The following CDH12 variants were observed in gnomAD, a reference collection of about 807,000 sequenced individuals.
CDH12 encodes cadherin 12, also known as cadherin-12.
In CDH12, 41 loss-of-function variants were observed where a neutral mutation model predicts 74.1. The ratio of observed to expected loss-of-function variants is 0.55; its 90% CI spans 0.43 to 0.72. CDH12 has a LOEUF of 0.72. Among genes scored for constraint, CDH12 ranks in the 30% least tolerant of loss-of-function variants. The pLI, the probability that CDH12 is intolerant of heterozygous loss-of-function variation, is 0.00. For missense variants in CDH12, 945 were observed against 977.2 expected (o/e 0.97, Z 0.44); for synonymous variants, 399 against 355.0 (o/e 1.12, Z -1.39).
intron 1 of CDH12, among the ~76,000 whole-genome samples, chr5:22,536,428 CGTGGTGGTGGTGATAGTGGTA>C (rs371755767): frequency 3.3e-5 from 5 of 151,676 alleles, no homozygotes; most frequent in Admixed American, 1.3e-4. Flanking sequence ...TTGTTGTGGT[CGTGGTGGTGGTGATAGTGGTA>C]GTGGTGGTGT....
At chr5:21,782,089 A>C (rs1745947362) in intron 11 of CDH12, among the ~76,000 whole-genome samples, 2 of 152,176 alleles carry the variant, frequency 1.3e-5, no homozygotes, top group Admixed American at 1.3e-4. Flanking sequence ...AGTACAGTGG[A>C]CTGGACTAGA....
At chr5:21,903,618 C>T (rs764157237) in intron 6 of CDH12, among the ~76,000 whole-genome samples, 21 of 152,088 alleles carry the variant, frequency 1.4e-4, no homozygotes, top group Non-Finnish European at 2.6e-4. Context: ...AAAGTTAAAC[C>T]TGTACCGGTT....
chr5:22,342,170 C>T (rs1022085083), intron 3 of CDH12, among the ~76,000 whole-genome samples: 1 of 152,060 alleles, frequency 6.6e-6, no homozygotes, highest in Non-Finnish European at 1.5e-5. Context: ...ACTAATATAA[C>T]CTTCAATATC....
chr5:21,949,773 C>T (rs1755751197), intron 6 of CDH12, among the ~76,000 whole-genome samples: 1 of 152,000 alleles, frequency 6.6e-6, no homozygotes, highest in Non-Finnish European at 1.5e-5. Flanking sequence ...TTTCTGTGTA[C>T]AATATGCGTT....
chr5:22,549,844 A>G (rs1312981737), intron 1 of CDH12, among the ~76,000 whole-genome samples: 1 of 152,216 alleles, frequency 6.6e-6, no homozygotes, highest in African/African-American at 2.4e-5. Flanking sequence ...ATATTTTCCC[A>G]ATTACCTTCA....
chr5:21,999,090 T>G (rs10050624), intron 5 of CDH12, among the ~76,000 whole-genome samples: 6,072 of 152,208 alleles, frequency 0.04, 339 homozygotes, highest in African/African-American at 0.12. Flanking sequence ...AAATCTTTAT[T>G]AAAGCAATAG....
At chr5:22,608,764 T>A (rs572875647) in intron 1 of CDH12, among the ~76,000 whole-genome samples, 30 of 152,260 alleles carry the variant, frequency 2.0e-4, no homozygotes, top group African/African-American at 6.5e-4. Flanking sequence ...TTTCGTGAGA[T>A]CTGATGGTTT....
At chr5:21,951,325 T>C (rs181285543) in intron 6 of CDH12, among the ~76,000 whole-genome samples, 1 of 152,146 alleles carries the variant, frequency 6.6e-6, no homozygotes, top group Admixed American at 6.5e-5. Flanking sequence ...CTCAGCTCAC[T>C]GCAATTTCTG....
intron 4 of CDH12, chr5:22,142,287 A>G: frequency 7.4e-6 from 2 of 268,674 alleles, no homozygotes; most frequent in Non-Finnish European, 1.4e-5. Flanking sequence ...GTATAGAGTA[A>G]AAAAGAAAGC....
chr5:22,365,409 T>A (rs1251418385), intron 3 of CDH12, among the ~76,000 whole-genome samples: 2 of 152,350 alleles, frequency 1.3e-5, no homozygotes, highest in East Asian at 3.9e-4. Context: ...CACTCAACAG[T>A]ATTATTAAAT....
At chr5:22,382,519 C>T (rs904019921) in intron 3 of CDH12, among the ~76,000 whole-genome samples, 1 of 151,476 alleles carries the variant, frequency 6.6e-6, no homozygotes, top group African/African-American at 2.4e-5. Flanking sequence ...TTTCTCAGGG[C>T]CACTGGTTAT....
At chr5:22,314,097 G>A (rs1157403730) in intron 3 of CDH12, among the ~76,000 whole-genome samples, 25 of 152,174 alleles carry the variant, frequency 1.6e-4, no homozygotes, top group Admixed American at 1.6e-3. Flanking sequence ...TTTTCCAGGT[G>A]ATGTTCTGTT....
Position 22,004,927 on chromosome 5 carries a change from C to T in CDH12, c.232-29542G>A, listed in dbSNP as rs1354379564. Reference sequence around the variant, plus strand: ...ATTTGATTTTTCCAGTTATTTCACCCAAGATAATGGCCTCCAGCTCTATCT... The same window carrying T: ...ATTTGATTTTTCCAGTTATTTCACCTAAGATAATGGCCTCCAGCTCTATCT... On this transcript the variant is annotated intron_variant, in intron 5 of 14. Coordinates refer to ENST00000382254, the MANE Select transcript of CDH12 (RefSeq NM_004061.5). Among the ~76,000 whole-genome samples, 5 of 152,184 alleles carry T rather than the reference C, an allele frequency of 3.3e-5. 1 individual carries two copies. The highest frequency in any genetic ancestry group is 3.9e-4 in the East Asian group (2 of 5,192).
At chr5:21,840,605 ATAC>A (rs1749785497) in intron 8 of CDH12, among the ~76,000 whole-genome samples, 1 of 152,026 alleles carries the variant, frequency 6.6e-6, no homozygotes, top group African/African-American at 2.4e-5. Flanking sequence ...ACTTCAAACT[ATAC>A]TACAAGGCTA....
intron 10 of CDH12, among the ~76,000 whole-genome samples, chr5:21,787,466 G>C (rs1746259082): frequency 1.3e-5 from 2 of 151,992 alleles, no homozygotes; most frequent in Non-Finnish European, 2.9e-5. Context: ...ACTTTTTTGG[G>C]CATAATTCCA....
chr5:22,639,440 T>G (rs1580841630), intron 1 of CDH12, among the ~76,000 whole-genome samples: 1 of 151,208 alleles, frequency 6.6e-6, no homozygotes, highest in East Asian at 1.9e-4. Flanking sequence ...TTCTTTTTTT[T>G]TTTTTTTTTT....
chr5:22,294,107 T>G (rs190083941), intron 3 of CDH12, among the ~76,000 whole-genome samples: 69 of 151,902 alleles, frequency 4.5e-4, no homozygotes, highest in African/African-American at 1.6e-3. Flanking sequence ...TTTGTCAGTT[T>G]AGAAAAACAG....
Position 22,145,291 on chromosome 5 carries a change from C to T in CDH12, c.-186-66429G>A, listed in dbSNP as rs534059649. Among the ~76,000 whole-genome samples, 311 of 152,134 alleles carry T rather than the reference C, an allele frequency of 2.0e-3. 3 individuals are homozygous for T. Among genetic ancestry groups the T allele is most frequent in the African/African-American group, 6.9e-3 (285 of 41,538 alleles). On this transcript the variant is annotated intron_variant, in intron 4 of 14. Coordinates refer to ENST00000382254, the MANE Select transcript of CDH12 (RefSeq NM_004061.5). The stretch of plus-strand genomic sequence containing the variant: ...TAAACTATCAATATTTATCAAAGTC[C>T]GTACAGCTGCTAGCAATGAGGGGGA...
At chr5:21,811,709 C>CTTTTTTT (rs371359584) in intron 9 of CDH12, among the ~76,000 whole-genome samples, 6 of 139,136 alleles carry the variant, frequency 4.3e-5, no homozygotes, top group African/African-American at 1.6e-4. Flanking sequence ...ATAGGACAAG[C>CTTTTTTT]TTTTTTTTTT....
Sources: allele counts gnomAD v4.1 joint callset (sites outside exome capture counted in the v4.1 genomes callset), GRCh38; gene constraint gnomAD v4.1.1; transcripts MANE v1.5; gene names NCBI Gene and HGNC (gene_info 2026-07-23, HGNC 2026-07-21).